PANK4: variants seen among roughly 807,000 people sequenced by gnomAD.
The protein encoded by PANK4 is 4'-phosphopantetheine phosphatase.
In PANK4, 40 loss-of-function variants were observed where a neutral mutation model predicts 87.9. The ratio of observed to expected loss-of-function variants is 0.46; its 90% CI spans 0.35 to 0.59. The LOEUF is 0.59. Among genes scored for constraint, PANK4 ranks in the 20% least tolerant of loss-of-function variants. The pLI is 0.00. For synonymous variants in PANK4, 524 were observed against 467.4 expected (o/e 1.12, Z -1.56); for missense variants, 926 against 1,072.3 (o/e 0.86, Z 1.90).
At chr1:2,512,747 TG>T in intron 13 of PANK4, 140 bp downstream of exon 13, 1 of 796,474 alleles carries the variant, frequency 1.3e-6, no homozygotes, top group Non-Finnish European at 2.1e-6. Context: ...GTGCACTCCC[TG>T]GGCCCCAAAG....
rs770220379 is a variant in PANK4 at position 2,514,035 on chromosome 1, C to T, written c.1542G>A (p.Leu514=). The change falls in exon 12 of 19, where the codon CTG becomes CTA. Residue 514 remains leucine, a synonymous_variant. Transcript: ENST00000378466. ...AGGGATCCGGGAAGTTGAACTCGTT[C>T]AGACAGTGCTCCCTGGTGTCCAGCA... ...RSLLDTREHC[L]NEFNFPDPYS... The T allele has an allele frequency of 1.9e-6, 3 of 1,612,892 alleles. No homozygotes were observed. The highest frequency in any genetic ancestry group is 1.1e-5 in the South Asian group (1 of 91,088).
chr1:2,513,820 G>A (rs111292602), intron 12 of PANK4, among the ~76,000 whole-genome samples, 182 bp downstream of exon 12: 5 of 152,336 alleles, frequency 3.3e-5, no homozygotes, highest in African/African-American at 1.2e-4. Context: ...CAGCTCCTCA[G>A]CAGATGCTGC....
Position 2,518,144 on chromosome 1 carries a change from G to A in PANK4, c.1218+20C>T, listed in dbSNP as rs767838975. 10 of 1,529,970 alleles carry A rather than the reference G, an allele frequency of 6.5e-6. No individual in the cohort carries two copies. The highest frequency in any genetic ancestry group is 4.6e-5 in the South Asian group (4 of 87,274). 94.8% of individuals were successfully genotyped at this position (1,529,970 alleles called of 1,614,324 possible). Reference sequence around the variant, plus strand: ...AGGCTGCTCCCCTGGGGCCCGGGGCGGCCAGAGCCCACTACTCACAGTGCC... The same window carrying A: ...AGGCTGCTCCCCTGGGGCCCGGGGCAGCCAGAGCCCACTACTCACAGTGCC... On this transcript the variant is annotated intron_variant, in intron 9 of 18. Coordinates refer to ENST00000378466, the MANE Select transcript of PANK4 (RefSeq NM_018216.4).
rs566551192 is a variant in PANK4 at position 2,519,429 on chromosome 1, G to A, written c.854-105C>T. 7.6e-6 allele frequency: 2 copies of A among 261,676 alleles called. No individual in the cohort carries two copies. The highest frequency in any genetic ancestry group is 5.1e-5 in the African/African-American group (2 of 39,438). 16.2% of individuals were successfully genotyped at this position (261,676 alleles called of 1,614,324 possible). On this transcript the variant is annotated intron_variant, in intron 6 of 18. Coordinates refer to ENST00000378466, the MANE Select transcript of PANK4 (RefSeq NM_018216.4). This position sits in a 1 kb window ranked among gnomAD's most constrained non-coding sequence, Gnocchi z 8.3. The stretch of plus-strand genomic sequence containing the variant: ...GAGAGAGCTGAGTGGGAGGGGAGGG[G>A]GAGAGAGAGCTGAGTGGGAGGGGAG...
Position 2,517,533 on chromosome 1 carries a change from C to T in PANK4, c.1218+631G>A, listed in dbSNP as rs369586248. Among the ~76,000 whole-genome samples the T allele has an allele frequency of 2.6e-5, 4 of 152,366 alleles. No homozygotes were observed. The South Asian group carries it at 6.2e-4, about 24-fold the overall frequency. On this transcript the variant is annotated intron_variant, in intron 9 of 18. Coordinates refer to ENST00000378466, the MANE Select transcript of PANK4 (RefSeq NM_018216.4). ...GACCCTGACAGCCTGTGACACGGGG[C>T]GGTTCCTGCCATGTGGGGCTGTGCT...
chr1:2,511,229 C>G, intron 15 of PANK4, 109 bp downstream of exon 15: 1 of 749,426 alleles, frequency 1.3e-6, no homozygotes, highest in Non-Finnish European at 2.4e-6. Flanking sequence ...GAGACTCTAA[C>G]AGGAGGGGAG....
intron 1 of PANK4, 135 bp from the exon 2 acceptor site, chr1:2,521,935 A>T (rs753771663): frequency 1.4e-6 from 1 of 693,026 alleles, no homozygotes; most frequent in East Asian, 2.6e-5. Context: ...ACTGGAACTT[A>T]AAAACCCTGT....
At chr1:2,511,520 G>T in intron 14 of PANK4, 108 bp downstream of exon 14, 1 of 1,071,906 alleles carries the variant, frequency 9.3e-7, no homozygotes. Flanking sequence ...AGAGCCTTGA[G>T]CAGGGGAGGT....
In PANK4 at chr1:2,520,803, C is replaced by T. The variant is rs1399244344; in HGVS notation, c.526G>A (p.Glu176Lys). 6.2e-7 allele frequency: 1 copy of T among 1,612,106 alleles called. No homozygotes were observed. The highest frequency in any genetic ancestry group is 8.5e-7 in the Non-Finnish European group (1 of 1,179,260). The change falls in exon 4 of 19, where the codon GAG becomes AAG. Residue 176 changes from glutamate (E) to lysine (K), a missense_variant. Glu to Lys is a moderately conservative substitution (Grantham distance 56). Coordinates refer to ENST00000378466, the MANE Select transcript of PANK4 (RefSeq NM_018216.4). The surrounding 1 kb of genome is among the most constrained non-coding windows in gnomAD (Gnocchi z 6.2). ...GGGTGGTTGGTCTGGAACCGGAACTCAGGGTCGGAATCCTTCTGGTACACG... is the reference window on the plus strand; with the variant it reads ...GGGTGGTTGGTCTGGAACCGGAACTTAGGGTCGGAATCCTTCTGGTACACG... The part of the protein sequence containing the change: ...AFVYQKDSDP[E>K]FRFQTNHPHI...
chr1:2,509,242 C>G lies in PANK4; in HGVS notation c.2109-182G>C, dbSNP rs112848529. On this transcript the variant is annotated intron_variant, in intron 18 of 18. Coordinates refer to ENST00000378466, the MANE Select transcript of PANK4 (RefSeq NM_018216.4). This position sits in a 1 kb window ranked among gnomAD's most constrained non-coding sequence, Gnocchi z 4.9. ...CTGGGGCTTCCTCAGAGCAGCAGCT[C>G]ACACAGGGCCAGAGCAGCTGCAGCT... is the stretch of plus-strand genomic sequence containing the variant. Among the ~76,000 whole-genome samples, 755 of 152,216 alleles carry G rather than the reference C, an allele frequency of 5.0e-3. 7 individuals carry two copies. Among genetic ancestry groups the G allele is most frequent in the African/African-American group, 0.017 (715 of 41,540 alleles).
Position 2,515,414 on chromosome 1 carries a change from A to G in PANK4, c.1374+148T>C. The G allele has an allele frequency of 1.1e-6, 1 of 904,490 alleles. No individual in the cohort carries two copies. Among genetic ancestry groups the G allele is most frequent in the Non-Finnish European group, 1.8e-6 (1 of 565,538 alleles). 56.0% of individuals were successfully genotyped at this position (904,490 alleles called of 1,614,324 possible). A position where few individuals can be genotyped will look rare whatever the true frequency, so the allele number is the denominator to read the frequency against. On this transcript the variant is annotated intron_variant, in intron 10 of 18. Coordinates refer to ENST00000378466, the MANE Select transcript of PANK4 (RefSeq NM_018216.4). This position sits in a 1 kb window ranked among gnomAD's most constrained non-coding sequence, Gnocchi z 5.0. Reference sequence around the variant, plus strand: ...GCGGTATTTTTGCCTGAGAAACCAAAATCGCCCCCTCACTCAGACGCAGAT... The same window carrying G: ...GCGGTATTTTTGCCTGAGAAACCAAGATCGCCCCCTCACTCAGACGCAGAT...
At chr1:2,521,561 A>T in intron 2 of PANK4, 157 bp downstream of exon 2, 1 of 757,098 alleles carries the variant, frequency 1.3e-6, no homozygotes, top group Middle Eastern at 2.3e-4. Context: ...TCTTGAAGGG[A>T]CACGGCGGAA....
intron 12 of PANK4, 94 bp from the exon 13 acceptor site, chr1:2,513,133 C>G (rs1643692399): frequency 7.2e-7 from 1 of 1,388,640 alleles, no homozygotes; most frequent in Admixed American, 2.3e-5. Flanking sequence ...TACCACGCCC[C>G]TCAGGATCGA....
In PANK4 at chr1:2,518,469, A is replaced by G. The variant is rs1329069847; in HGVS notation, c.1117+47T>C. ...CTGGCCTGGAGCACAGGCCCAGGCC[A>G]CAGCTGAGGCCCCACGCTGCTCAGG... On this transcript the variant is annotated intron_variant, in intron 8 of 18. Coordinates refer to ENST00000378466, the MANE Select transcript of PANK4 (RefSeq NM_018216.4). The G allele has an allele frequency of 4.0e-6, 6 of 1,488,824 alleles. No homozygotes were observed. The Admixed American group carries it at 1.2e-4, about 29-fold the overall frequency. 92.2% of individuals were successfully genotyped at this position (1,488,824 alleles called of 1,614,324 possible). A position where few individuals can be genotyped will look rare whatever the true frequency, so the allele number is the denominator to read the frequency against.
At chr1:2,513,907 C>T in intron 12 of PANK4, 95 bp downstream of exon 12, 2 of 917,970 alleles carry the variant, frequency 2.2e-6, no homozygotes, top group Non-Finnish European at 3.7e-6. Flanking sequence ...TCAGACAGGA[C>T]AGGATGCCCC....
Position 2,520,007 on chromosome 1 carries a change from C to A in PANK4, c.700-53G>T. 1.3e-6 allele frequency: 2 copies of A among 1,491,916 alleles called. No homozygotes were observed. Among genetic ancestry groups the A allele is most frequent in the East Asian group, 2.5e-5 (1 of 40,654 alleles). 92.4% of individuals were successfully genotyped at this position (1,491,916 alleles called of 1,614,324 possible). ...AGGCGCCAGGAGCTGCTGGAATCCCCACGACCCCAGAAACCAAGCCCATGG... is the reference window on the plus strand; with the variant it reads ...AGGCGCCAGGAGCTGCTGGAATCCCAACGACCCCAGAAACCAAGCCCATGG... On this transcript the variant is annotated intron_variant, in intron 5 of 18. Transcript: ENST00000378466. The surrounding 1 kb of genome is among the most constrained non-coding windows in gnomAD (Gnocchi z 6.2).
intron 3 of PANK4, 48 bp downstream of exon 3, chr1:2,521,053 T>G: frequency 6.4e-7 from 1 of 1,564,112 alleles, no homozygotes; most frequent in Non-Finnish European, 8.8e-7. Flanking sequence ...ACCCAGGGAC[T>G]CGGGGGCAGA....
At position 2,508,790 on chromosome 1, in the gene PANK4, T is replaced by C; in HGVS notation, c.*57A>G. The C allele has an allele frequency of 9.6e-7, 1 of 1,044,560 alleles. No homozygotes were observed. The highest frequency in any genetic ancestry group is 1.5e-6 in the Non-Finnish European group (1 of 686,276). The allele number at this position is 1,044,560 out of a possible 1,614,324, so 64.7% of individuals were successfully genotyped here. A position where few individuals can be genotyped will look rare whatever the true frequency, so the allele number is the denominator to read the frequency against. ...TGATTTGAACGCAGTTTCCCTGTGG[T>C]GGTAAAAACACATTCCTGACAAGTG... On this transcript the variant is annotated 3_prime_UTR_variant, in exon 19 of 19. Coordinates refer to ENST00000378466, the MANE Select transcript of PANK4 (RefSeq NM_018216.4). The surrounding 1 kb of genome is among the most constrained non-coding windows in gnomAD (Gnocchi z 5.1).
chr1:2,514,499 C>T (rs527636601), intron 10 of PANK4, 33 bp from the exon 11 acceptor site: 20 of 1,421,308 alleles, frequency 1.4e-5, no homozygotes, highest in South Asian at 1.2e-4. Flanking sequence ...GTTAGTCAAG[C>T]GCTGGCCCTG....
Sources: allele counts gnomAD v4.1 joint callset (sites outside exome capture counted in the v4.1 genomes callset), GRCh38; gene constraint gnomAD v4.1.1; non-coding constraint Gnocchi (gnomAD v3.1); transcripts MANE v1.5; gene names NCBI Gene and HGNC (gene_info 2026-07-23, HGNC 2026-07-21).